SLCO5A1: variants seen among roughly 807,000 people sequenced by gnomAD.
SLCO5A1 encodes organic anion transporter polypeptide-related protein 4.
SLCO5A1 carries 39 observed loss-of-function variants against 65.1 expected under a neutral mutation model. The observed-to-expected ratio is 0.60, with a 90% CI of 0.46 to 0.78. The LOEUF (loss-of-function observed/expected upper bound fraction) is 0.78. Among genes scored for constraint, SLCO5A1 ranks in the 30% least tolerant of loss-of-function variants. SLCO5A1 has a pLI of 0.00. For missense variants in SLCO5A1, 1,029 were observed against 1,069.4 expected (o/e 0.96, Z 0.53); for synonymous variants, 438 against 415.7 (o/e 1.05, Z -0.65).
At chr8:69,815,351 A>T (rs2130914630) in intron 2 of SLCO5A1, among the ~76,000 whole-genome samples, 1 of 152,268 alleles carries the variant, frequency 6.6e-6, no homozygotes, top group South Asian at 2.1e-4. Flanking sequence ...AACACTCAAA[A>T]ATATTTTCTG....
intron 2 of SLCO5A1, among the ~76,000 whole-genome samples, chr8:69,817,819 C>T (rs1157701947): frequency 1.3e-5 from 2 of 152,176 alleles, no homozygotes; most frequent in Non-Finnish European, 2.9e-5. Flanking sequence ...TTGTCTGTCA[C>T]CAAACTCCCA....
At chr8:69,732,197 T>G (rs1456484033) in intron 5 of SLCO5A1, among the ~76,000 whole-genome samples, 1 of 152,170 alleles carries the variant, frequency 6.6e-6, no homozygotes, top group African/African-American at 2.4e-5. Flanking sequence ...TGGCAAATAT[T>G]TGGTTATTTA....
intron 6 of SLCO5A1, among the ~76,000 whole-genome samples, chr8:69,692,222 G>C (rs917563126): frequency 6.6e-5 from 10 of 152,106 alleles, no homozygotes; most frequent in Non-Finnish European, 1.5e-4. Flanking sequence ...GCACTCCAGC[G>C]TGGGCAACAG....
chr8:69,789,146 C>A (rs1196540270), intron 2 of SLCO5A1, among the ~76,000 whole-genome samples: 2 of 152,214 alleles, frequency 1.3e-5, no homozygotes, highest in Non-Finnish European at 1.5e-5. Flanking sequence ...CAGGACACAA[C>A]ACTGTGCCTC....
chr8:69,684,908 A>G (rs556587013), intron 6 of SLCO5A1, among the ~76,000 whole-genome samples: 5 of 152,270 alleles, frequency 3.3e-5, no homozygotes, highest in Non-Finnish European at 5.9e-5. Context: ...CCAAATGTCA[A>G]TAGTGCTGAG....
At chr8:69,716,495 A>G (rs574739922) in intron 5 of SLCO5A1, among the ~76,000 whole-genome samples, 29 of 152,196 alleles carry the variant, frequency 1.9e-4, no homozygotes, top group Non-Finnish European at 3.7e-4. Flanking sequence ...ATTATCACAG[A>G]TAATAGTTGA....
intron 2 of SLCO5A1, among the ~76,000 whole-genome samples, chr8:69,768,456 G>A (rs762739600): frequency 9.9e-5 from 15 of 152,090 alleles, no homozygotes; most frequent in Non-Finnish European, 1.9e-4. Context: ...AGACTGTATT[G>A]GTCATCTCAG....
In SLCO5A1 at chr8:69,745,583, C is replaced by T. The variant is rs4377972; in HGVS notation, c.1259-7379G>A. 7.6e-3 allele frequency among the ~76,000 whole-genome samples: 1,156 copies of T among 152,216 alleles called. 11 individuals carry two copies. The highest frequency in any genetic ancestry group is 0.026 in the African/African-American group (1,096 of 41,546). ...GAGTATTAAATACCAAACAAACATA[C>T]TGGCCCCTCTTAATGCTTTTCATAA... On this transcript the variant is annotated intron_variant, in intron 4 of 9. Transcript: ENST00000260126.
chr8:69,818,941 C>A (rs766954762), intron 2 of SLCO5A1, among the ~76,000 whole-genome samples: 7 of 152,170 alleles, frequency 4.6e-5, no homozygotes, highest in Non-Finnish European at 1.0e-4. Flanking sequence ...CCTCAATCAT[C>A]ATTCAGCCTC....
intron 2 of SLCO5A1, among the ~76,000 whole-genome samples, chr8:69,781,666 G>GT (rs1002598553): frequency 1.5e-4 from 23 of 150,478 alleles, no homozygotes; most frequent in African/African-American, 3.9e-4. Flanking sequence ...TTTGTTTTTT[G>GT]TTTTTTTTGA....
rs1821241625 is a variant in SLCO5A1, at chr8:69,832,979, C to G, written c.-306G>C. Reference sequence around the variant, plus strand: ...AGCTTGAGGCAGGCGCCTCGCGCGTCCCGGGCTCATCCCCTCCGCCGCCGC... The same window carrying G: ...AGCTTGAGGCAGGCGCCTCGCGCGTGCCGGGCTCATCCCCTCCGCCGCCGC... On this transcript the variant is annotated 5_prime_UTR_variant, in exon 2 of 10. Transcript: ENST00000260126. The surrounding 1 kb of genome is among the most constrained non-coding windows in gnomAD (Gnocchi z 4.5). 3 of 387,222 alleles carry G rather than the reference C, an allele frequency of 7.7e-6. No individual in the cohort carries two copies. Among genetic ancestry groups the G allele is most frequent in the African/African-American group, 6.4e-5 (3 of 46,586 alleles). The allele number at this position is 387,222 out of a possible 1,614,324, so 24.0% of individuals were successfully genotyped here. A position where few individuals can be genotyped will look rare whatever the true frequency, so the allele number is the denominator to read the frequency against.
At chr8:69,715,179 C>T (rs192368163) in intron 5 of SLCO5A1, among the ~76,000 whole-genome samples, 68 of 152,310 alleles carry the variant, frequency 4.5e-4, no homozygotes, top group African/African-American at 1.5e-3. Context: ...TATTTACTTC[C>T]GTTTTCCCTA....
chr8:69,735,772 G>A (rs1816527215), intron 5 of SLCO5A1, among the ~76,000 whole-genome samples: 2 of 152,100 alleles, frequency 1.3e-5, no homozygotes, highest in Admixed American at 1.3e-4. Context: ...CATGGCACAC[G>A]TTTACCTATG....
intron 5 of SLCO5A1, among the ~76,000 whole-genome samples, chr8:69,716,305 T>C (rs1271232086): frequency 1.3e-5 from 2 of 152,250 alleles, no homozygotes; most frequent in Non-Finnish European, 2.9e-5. Context: ...TGTACAAGTT[T>C]TGTGTGAGCA....
intron 2 of SLCO5A1, among the ~76,000 whole-genome samples, chr8:69,766,994 T>C (rs137890391): frequency 6.6e-6 from 1 of 152,360 alleles, no homozygotes; most frequent in Non-Finnish European, 1.5e-5. Flanking sequence ...TCCTGACATC[T>C]TAGCTAATAA....
chr8:69,730,654 C>T (rs1472102487), intron 5 of SLCO5A1, among the ~76,000 whole-genome samples: 1 of 152,134 alleles, frequency 6.6e-6, no homozygotes, highest in African/African-American at 2.4e-5. Flanking sequence ...TGTTCATGAA[C>T]AGTGTTGCCT....
Position 69,679,431 on chromosome 8 carries a change from T to A in SLCO5A1, c.1971A>T (p.Ile657=). The stretch of plus-strand genomic sequence containing the variant: ...GGGCACATGCTGTGATGAAGGTGAC[T>A]ATGAAAAGAAAAACTAAGAATGGGA... ...TLIPFLVFLF[I]VTFITACAQP... is the part of the protein sequence containing the mutation. Residue 657 remains isoleucine, a synonymous_variant, in exon 8 of 10, where the codon ATA becomes ATT. Transcript: ENST00000260126. 6.2e-7 allele frequency: 1 copy of A among 1,614,212 alleles called. No homozygotes were observed. The highest frequency in any genetic ancestry group is 8.5e-7 in the Non-Finnish European group (1 of 1,180,034).
intron 2 of SLCO5A1, among the ~76,000 whole-genome samples, chr8:69,785,083 AG>A (rs1472747219): frequency 6.6e-6 from 1 of 150,502 alleles, no homozygotes. Flanking sequence ...GAAGGGAAGG[AG>A]GGAGGGAAGG....
At chr8:69,794,164 C>T (rs1183115073) in intron 2 of SLCO5A1, 2 of 298,790 alleles carry the variant, frequency 6.7e-6, no homozygotes, top group Admixed American at 4.4e-5. Context: ...GTATGCATTA[C>T]CATGGATGAG....
Sources: gnomAD v4.1 joint callset for allele counts (sites outside exome capture counted in the v4.1 genomes callset) on GRCh38, gnomAD v4.1.1 for gene constraint, Gnocchi (gnomAD v3.1) non-coding constraint, MANE v1.5 for transcripts, NCBI Gene and HGNC (gene_info 2026-07-23, HGNC 2026-07-21) for gene names.